Variants in DPF3 observed in about 807,000 individuals in gnomAD.
DPF3 encodes zinc finger protein DPF3.
DPF3 carries 18 observed loss-of-function variants against 56.8 expected under a neutral mutation model. The ratio of observed to expected loss-of-function variants is 0.32; its 90% CI spans 0.22 to 0.47. The LOEUF (loss-of-function observed/expected upper bound fraction) is 0.47. Among genes scored for constraint, DPF3 ranks in the 20% least tolerant of loss-of-function variants. The pLI is 1.00. For missense variants in DPF3, 403 were observed against 488.8 expected (o/e 0.82, Z 1.65); for synonymous variants, 188 against 180.2 (o/e 1.04, Z -0.35).
intron 10 of DPF3, 62 bp downstream of exon 10, chr14:72,619,833 TGAGAGCTC>T (rs1884313245): frequency 9.4e-6 from 13 of 1,385,592 alleles, no homozygotes; most frequent in Non-Finnish European, 1.3e-5. Flanking sequence ...TGTACCATAG[TGAGAGCTC>T]AGTAAGTGCT....
Position 72,614,869 on chromosome 14 carries a change from C to G in DPF3, c.*4428G>C, listed in dbSNP as rs1883995241. Among the ~76,000 whole-genome samples, 1 of 150,976 alleles carries G rather than the reference C, an allele frequency of 6.6e-6. No individual in the cohort carries two copies. Among genetic ancestry groups the G allele is most frequent in the South Asian group, 2.1e-4 (1 of 4,674 alleles). On this transcript the variant is annotated 3_prime_UTR_variant, in exon 11 of 11. Coordinates refer to ENST00000556509, the MANE Select transcript of DPF3 (RefSeq NM_001280542.3). ...GATTTCTCCCTGAGGACATCCAGCT[C>G]TCTGCCTTTTTCCACCAGAGATCCT...
intron 2 of DPF3, among the ~76,000 whole-genome samples, chr14:72,756,152 C>T (rs1278337450): frequency 6.6e-6 from 1 of 152,150 alleles, no homozygotes; most frequent in Non-Finnish European, 1.5e-5. Flanking sequence ...AGAGGGGAAA[C>T]CAGTCCTCCC....
intron 2 of DPF3, among the ~76,000 whole-genome samples, chr14:72,769,709 A>G (rs1891441796): frequency 6.6e-6 from 1 of 150,542 alleles, no homozygotes; most frequent in Admixed American, 6.6e-5. Context: ...ACACATCAGC[A>G]CTGGCCAGAA....
At chr14:72,627,951 G>T (rs1884932386) in intron 9 of DPF3, among the ~76,000 whole-genome samples, 1 of 152,050 alleles carries the variant, frequency 6.6e-6, no homozygotes, top group Admixed American at 6.6e-5. Flanking sequence ...ATATGAGAAG[G>T]CTGTTAATTA....
At chr14:72,835,485 G>A (rs888488586) in intron 1 of DPF3, among the ~76,000 whole-genome samples, 1 of 152,178 alleles carries the variant, frequency 6.6e-6, no homozygotes, top group African/African-American at 2.4e-5. Context: ...TTTATGTTGT[G>A]TGAATTTTCT....
chr14:72,765,110 T>A (rs1891220440), intron 2 of DPF3, among the ~76,000 whole-genome samples: 1 of 152,200 alleles, frequency 6.6e-6, no homozygotes, highest in Non-Finnish European at 1.5e-5. Flanking sequence ...AAACAGTTTA[T>A]TTTCCCTCAC....
intron 2 of DPF3, among the ~76,000 whole-genome samples, chr14:72,768,843 A>G (rs1891393843): frequency 6.6e-6 from 1 of 152,028 alleles, no homozygotes; most frequent in Admixed American, 6.5e-5. Flanking sequence ...GGACAAAAAG[A>G]CTTGCAAAAA....
intron 1 of DPF3, among the ~76,000 whole-genome samples, chr14:72,797,633 G>A (rs961780743): frequency 6.6e-6 from 1 of 152,144 alleles, no homozygotes; most frequent in African/African-American, 2.4e-5. Flanking sequence ...ATTTTTAAAT[G>A]GGGTTGGCTG....
At chr14:72,696,086 C>A (rs1291890470) in intron 6 of DPF3, among the ~76,000 whole-genome samples, 1 of 152,022 alleles carries the variant, frequency 6.6e-6, no homozygotes, top group African/African-American at 2.4e-5. Context: ...ATTATGGGGT[C>A]ATTGCATATA....
At chr14:72,703,931 A>G (rs1888293977) in intron 6 of DPF3, among the ~76,000 whole-genome samples, 2 of 152,262 alleles carry the variant, frequency 1.3e-5, no homozygotes, top group Admixed American at 6.5e-5. Flanking sequence ...TTGATTCAGT[A>G]TAAAGAAAAT....
intron 8 of DPF3, among the ~76,000 whole-genome samples, chr14:72,632,647 G>T (rs766959125): frequency 6.2e-5 from 9 of 145,950 alleles, no homozygotes; most frequent in Non-Finnish European, 1.4e-4. Context: ...GGAAGGGAGG[G>T]AAGGAGGGAG....
chr14:72,744,119 A>T (rs1486822159), intron 3 of DPF3, among the ~76,000 whole-genome samples: 4 of 152,226 alleles, frequency 2.6e-5, no homozygotes, highest in Admixed American at 1.3e-4. Flanking sequence ...TCCTATCCCC[A>T]TGCAGACAGA....
At chr14:72,757,306 G>T (rs1890881185) in intron 2 of DPF3, among the ~76,000 whole-genome samples, 9 of 152,126 alleles carry the variant, frequency 5.9e-5, no homozygotes, top group Admixed American at 5.2e-4. Flanking sequence ...TTTCAATGGA[G>T]AATTTATTAT....
At chr14:72,721,459 A>G (rs740971) in intron 5 of DPF3, among the ~76,000 whole-genome samples, 43,330 of 150,756 alleles carry the variant, frequency 0.29, 6,896 homozygotes, top group East Asian at 0.46. Context: ...GTCCAAGCTC[A>G]AAAGTCTCCT....
chr14:72,723,032 GTTTA>G (rs1228053314), intron 5 of DPF3, among the ~76,000 whole-genome samples: 5 of 147,344 alleles, frequency 3.4e-5, no homozygotes, highest in Admixed American at 1.3e-4. Flanking sequence ...CATGATTATG[GTTTA>G]TTTATTTTTT....
At chr14:72,801,490 C>G (rs1892890311) in intron 1 of DPF3, among the ~76,000 whole-genome samples, 2 of 152,248 alleles carry the variant, frequency 1.3e-5, no homozygotes, top group South Asian at 4.1e-4. Context: ...ACACTGTGCA[C>G]TCTTCACCAT....
chr14:72,728,067 G>A (rs1333940722), intron 4 of DPF3, among the ~76,000 whole-genome samples: 2 of 152,184 alleles, frequency 1.3e-5, no homozygotes, highest in African/African-American at 4.8e-5. Flanking sequence ...GCTTTAAAGG[G>A]AAAGGGACCC....
chr14:72,874,897 C>T (rs1390618950), intron 1 of DPF3, among the ~76,000 whole-genome samples: 1 of 152,156 alleles, frequency 6.6e-6, no homozygotes, highest in Non-Finnish European at 1.5e-5. Flanking sequence ...TGTATTAGTC[C>T]ATTTTCACAC....
At chr14:72,858,062 T>C (rs1022884487) in intron 1 of DPF3, among the ~76,000 whole-genome samples, 1 of 151,788 alleles carries the variant, frequency 6.6e-6, no homozygotes, top group Non-Finnish European at 1.5e-5. Flanking sequence ...CCCAGGACTT[T>C]GGGAGGCTCA....
Sources: allele counts gnomAD v4.1 joint callset (sites outside exome capture counted in the v4.1 genomes callset), GRCh38; gene constraint gnomAD v4.1.1; transcripts MANE v1.5; gene names NCBI Gene and HGNC (gene_info 2026-07-23, HGNC 2026-07-21).